Variants in SDK2 observed in about 807,000 individuals in gnomAD.
SDK2 encodes protein sidekick-2.
SDK2 carries 105 observed loss-of-function variants against 253.9 expected under a neutral mutation model. The ratio of observed to expected loss-of-function variants is 0.41; its 90% CI spans 0.35 to 0.49. The LOEUF (loss-of-function observed/expected upper bound fraction) is 0.49. SDK2 is among the 20% of genes least tolerant of loss of function. The pLI is 0.06. For missense variants in SDK2, 2,608 were observed against 3,003.0 expected (o/e 0.87, Z 3.07); for synonymous variants, 1,249 against 1,234.9 (o/e 1.01, Z -0.24).
chr17:73,553,122 G>A (rs530601870), intron 1 of SDK2, among the ~76,000 whole-genome samples: 9 of 152,212 alleles, frequency 5.9e-5, no homozygotes, highest in Non-Finnish European at 1.0e-4. Context: ...GCCAGAGGGA[G>A]CTCTTGGCCC....
At chr17:73,567,305 C>T (rs943180752) in intron 1 of SDK2, among the ~76,000 whole-genome samples, 1 of 152,238 alleles carries the variant, frequency 6.6e-6, no homozygotes, top group Non-Finnish European at 1.5e-5. Context: ...CCTGCAGGCA[C>T]ACAGAATACA....
At chr17:73,631,407 T>G (rs1277003084) in intron 1 of SDK2, among the ~76,000 whole-genome samples, 2 of 152,130 alleles carry the variant, frequency 1.3e-5, no homozygotes, top group African/African-American at 4.8e-5. Context: ...GACTTTGGGG[T>G]TGACCGAGCA....
At chr17:73,506,876 G>A (rs1158444052) in intron 2 of SDK2, among the ~76,000 whole-genome samples, 3 of 152,358 alleles carry the variant, frequency 2.0e-5, no homozygotes, top group South Asian at 2.1e-4. Flanking sequence ...GCAATGTCCC[G>A]GCAGGGAAAG....
rs1440036030 is a variant in SDK2 at position 73,435,444 on chromosome 17, A to G, written c.1195+6T>C. ...CACGGGCAGCACAAGGGAAGGCCCA[A>G]CTTACTGGTGACAGCCAGGTAGGTG... is the stretch of plus-strand genomic sequence containing the variant. On this transcript the variant is annotated splice_donor_region_variant and intron_variant, in intron 9 of 44. Transcript: ENST00000392650. The surrounding 1 kb of genome is among the most constrained non-coding windows in gnomAD (Gnocchi z 5.7). 6.3e-7 allele frequency: 1 copy of G among 1,585,078 alleles called. No homozygotes were observed. Among genetic ancestry groups the G allele is most frequent in the African/African-American group, 1.3e-5 (1 of 74,462 alleles).
chr17:73,545,186 G>A (rs1342115426), intron 1 of SDK2, among the ~76,000 whole-genome samples: 2 of 151,566 alleles, frequency 1.3e-5, no homozygotes, highest in African/African-American at 2.4e-5. Flanking sequence ...ATCTTGTTGG[G>A]GTTCCCCTCC....
At chr17:73,572,111 G>C (rs2045396941) in intron 1 of SDK2, among the ~76,000 whole-genome samples, 1 of 152,200 alleles carries the variant, frequency 6.6e-6, no homozygotes, top group Non-Finnish European at 1.5e-5. Context: ...ATTCAGTGCA[G>C]GTGTTGTCTT....
In SDK2 at chr17:73,402,019, G is replaced by C. The variant is rs746546033; in HGVS notation, c.2607C>G (p.Thr869=). The C allele has an allele frequency of 2.5e-6, 4 of 1,613,924 alleles. No individual in the cohort carries two copies. The East Asian group carries it at 8.9e-5, about 36-fold the overall frequency. ...CGGGGGTGGTGAAACACAGCACTGA[G>C]GTGAAGTACTCGGTGAACTTCTTCA... is the stretch of plus-strand genomic sequence containing the variant. ...SGLKKFTEYF[T]SVLCFTTPGD... Residue 869 remains threonine, a synonymous_variant, in exon 19 of 45, where the codon ACC becomes ACG. Coordinates refer to ENST00000392650, the MANE Select transcript of SDK2 (RefSeq NM_001144952.2).
At chr17:73,479,912 T>A (rs1450289684) in intron 2 of SDK2, among the ~76,000 whole-genome samples, 3 of 152,192 alleles carry the variant, frequency 2.0e-5, no homozygotes, top group Admixed American at 2.0e-4. Flanking sequence ...AGGCTGATCT[T>A]GAACTCCTGA....
rs368186052 is a variant in SDK2, at chr17:73,399,821, T to C, written c.2972-532A>G. Reference sequence around the variant, plus strand: ...TCAGGAACAACAGAAAGAACACAGATTCTGGAGTCAGAATGAGTTTAAATC... The same window carrying C: ...TCAGGAACAACAGAAAGAACACAGACTCTGGAGTCAGAATGAGTTTAAATC... On this transcript the variant is annotated intron_variant, in intron 21 of 44. Transcript: ENST00000392650. Among the ~76,000 whole-genome samples, 66 of 152,278 alleles carry C rather than the reference T, an allele frequency of 4.3e-4. 1 individual carries two copies. Among genetic ancestry groups the C allele is most frequent in the African/African-American group, 1.2e-3 (50 of 41,558 alleles).
intron 39 of SDK2, among the ~76,000 whole-genome samples, chr17:73,359,174 T>C (rs968155566): frequency 6.6e-6 from 1 of 151,670 alleles, no homozygotes; most frequent in Non-Finnish European, 1.5e-5. Context: ...CATGAGTGGG[T>C]GGCCACCTGG....
At chr17:73,613,583 GGCCCC>G (rs1567873672) in intron 1 of SDK2, among the ~76,000 whole-genome samples, 20 of 111,884 alleles carry the variant, frequency 1.8e-4, no homozygotes, top group African/African-American at 6.7e-4. Flanking sequence ...GCCACTGTGC[GGCCCC>G]ACCCCCACCC....
chr17:73,447,784 T>C lies in SDK2; in HGVS notation c.480-36A>G. The C allele has an allele frequency of 1.3e-6, 2 of 1,551,030 alleles. No individual in the cohort carries two copies. Among genetic ancestry groups the C allele is most frequent in the African/African-American group, 1.4e-5 (1 of 73,108 alleles). On this transcript the variant is annotated intron_variant, in intron 4 of 44. Coordinates refer to ENST00000392650, the MANE Select transcript of SDK2 (RefSeq NM_001144952.2). This position sits in a 1 kb window ranked among gnomAD's most constrained non-coding sequence, Gnocchi z 4.0. ...GAAAAGGATTCCTCTGACAGGGGCC[T>C]AAGGGGCTCTGAACCTCCAGGGAGT... is the stretch of plus-strand genomic sequence containing the variant.
chr17:73,591,210 A>G (rs1389379752), intron 1 of SDK2, among the ~76,000 whole-genome samples: 1 of 152,040 alleles, frequency 6.6e-6, no homozygotes, highest in East Asian at 1.9e-4. Flanking sequence ...GAGCCACCGC[A>G]CCCGGTCTTA....
intron 1 of SDK2, among the ~76,000 whole-genome samples, chr17:73,582,345 T>C (rs112252504): frequency 2.2e-5 from 3 of 138,524 alleles, no homozygotes; most frequent in African/African-American, 2.7e-5. Context: ...CATTTGGGGG[T>C]GCACACCATG....
intron 40 of SDK2, among the ~76,000 whole-genome samples, chr17:73,355,174 A>ATATATATATATATATATATATAT: frequency 3.0e-4 from 14 of 47,242 alleles, no homozygotes; most frequent in Non-Finnish European, 4.4e-4. Context: ...ATATATATAT[A>ATATATATATATATATATATATAT]TTTTTTTTTT....
chr17:73,423,922 C>G lies in SDK2; in HGVS notation c.1754G>C (p.Arg585Pro). Residue 585 changes from arginine (R) to proline (P), a missense_variant, in exon 13 of 45, where the codon CGA becomes CCA. Around this residue, in one of 2 missense-constraint regions of SDK2, gnomAD observed 1,505 missense variants for 1,859.1 expected, o/e 0.81. Coordinates refer to ENST00000392650, the MANE Select transcript of SDK2 (RefSeq NM_001144952.2). ...CTGGGAGGGCTGCCCTTACCTGACT[C>G]GCAGGTGGGCACTGCGAGAGTCGTT... ...GGNDSRSAHL[R>P]VRQLPHAPEH... 6.4e-7 allele frequency: 1 copy of G among 1,572,974 alleles called. No homozygotes were observed. The highest frequency in any genetic ancestry group is 8.6e-7 in the Non-Finnish European group (1 of 1,158,316).
chr17:73,627,300 A>G (rs554033276), intron 1 of SDK2, among the ~76,000 whole-genome samples: 3 of 149,292 alleles, frequency 2.0e-5, no homozygotes, highest in African/African-American at 4.9e-5. Context: ...AAATGGCAGC[A>G]TTTTTTTTTT....
At chr17:73,587,401 C>T (rs1309498765) in intron 1 of SDK2, among the ~76,000 whole-genome samples, 1 of 152,246 alleles carries the variant, frequency 6.6e-6, no homozygotes, top group African/African-American at 2.4e-5. Context: ...TGAGCCAATA[C>T]CAACTGGGGC....
At chr17:73,510,902 C>T (rs1245220190) in intron 1 of SDK2, among the ~76,000 whole-genome samples, 2 of 152,320 alleles carry the variant, frequency 1.3e-5, no homozygotes, top group East Asian at 1.9e-4. Flanking sequence ...TGAGAAGATG[C>T]TTCTTTCTGA....
Sources: allele counts gnomAD v4.1 joint callset (sites outside exome capture counted in the v4.1 genomes callset), GRCh38; gene constraint gnomAD v4.1.1; regional missense constraint gnomAD v4.1.1; non-coding constraint Gnocchi (gnomAD v3.1); transcripts MANE v1.5; gene names NCBI Gene and HGNC (gene_info 2026-07-23, HGNC 2026-07-21).